KLHL1: variants seen among roughly 807,000 people sequenced by gnomAD.
KLHL1 encodes the protein kelch-like protein 1.
In KLHL1, 47 loss-of-function variants were observed where a neutral mutation model predicts 77.7. The ratio of observed to expected loss-of-function variants is 0.60; its 90% confidence interval spans 0.48 to 0.77. The LOEUF (loss-of-function observed/expected upper bound fraction) is 0.77, where lower values mean the gene tolerates loss of function less well. Among genes scored for constraint, KLHL1 ranks in the 30% least tolerant of loss-of-function variants. The probability of loss-of-function intolerance (pLI) is 0.00; values close to 1 mark genes in which losing one functional copy is unlikely to be tolerated. For missense variants in KLHL1, 925 were observed against 910.8 expected, an observed-to-expected ratio of 1.02 and a Z score of -0.20; for synonymous variants, 360 against 325.2, an observed-to-expected ratio of 1.11 and a Z score of -1.15.
intron 8 of KLHL1, among the ~76,000 whole-genome samples, chr13:69,734,664 A>G (rs1372527343): frequency 6.6e-6 from 1 of 152,168 alleles, no homozygotes; most frequent in Non-Finnish European, 1.5e-5. Context: ...ACAGAGAAAA[A>G]TAACAAATTA....
intron 7 of KLHL1, among the ~76,000 whole-genome samples, chr13:69,742,760 A>C (rs1874037964): frequency 6.6e-6 from 1 of 152,218 alleles, no homozygotes. Flanking sequence ...AACTCTATTC[A>C]TATGGAGGGA....
rs755960830 is a variant in KLHL1, at chr13:69,829,602, T to G, written c.1414+9374A>C. Among the ~76,000 whole-genome samples, 4 of 149,856 alleles carry G rather than the reference T, an allele frequency of 2.7e-5. 1 individual carries two copies. Among genetic ancestry groups the G allele is most frequent in the Non-Finnish European group, 5.9e-5 (4 of 67,732 alleles). ...CCAAACCAAGAAGAAATCTCTGAATTTCCAGAAAAAGAATTCAGAAGGTTG... is the reference window on the plus strand; with the variant it reads ...CCAAACCAAGAAGAAATCTCTGAATGTCCAGAAAAAGAATTCAGAAGGTTG... On this transcript the variant is annotated intron_variant, in intron 6 of 10. Transcript: ENST00000377844.
At chr13:69,952,342 T>C (rs1883735334) in intron 3 of KLHL1, among the ~76,000 whole-genome samples, 1 of 151,428 alleles carries the variant, frequency 6.6e-6, no homozygotes, top group Non-Finnish European at 1.5e-5. Flanking sequence ...TTTAGACAAA[T>C]GCAAAATAGT....
chr13:70,088,984 C>G (rs982734418), intron 1 of KLHL1, among the ~76,000 whole-genome samples: 2 of 152,104 alleles, frequency 1.3e-5, no homozygotes, highest in Non-Finnish European at 2.9e-5. Flanking sequence ...TGTTTCTTAT[C>G]AGTACCTTCT....
chr13:69,978,385 A>G (rs1472374103), intron 1 of KLHL1, among the ~76,000 whole-genome samples: 1 of 151,888 alleles, frequency 6.6e-6, no homozygotes, highest in Non-Finnish European at 1.5e-5. Context: ...AAACACCTCT[A>G]AAGAATGGCT....
At chr13:70,091,887 T>G (rs1242329196) in intron 1 of KLHL1, among the ~76,000 whole-genome samples, 4 of 152,176 alleles carry the variant, frequency 2.6e-5, no homozygotes, top group African/African-American at 9.6e-5. Context: ...CACATGGATG[T>G]GTAGATAAAT....
intron 1 of KLHL1, among the ~76,000 whole-genome samples, chr13:69,998,660 A>C (rs1885215405): frequency 6.6e-6 from 1 of 152,050 alleles, no homozygotes; most frequent in South Asian, 2.1e-4. Flanking sequence ...TGCTATTAAT[A>C]GTAATGGATG....
chr13:69,816,264 CTTT>C (rs1219634338), intron 6 of KLHL1, among the ~76,000 whole-genome samples: 3 of 137,710 alleles, frequency 2.2e-5, no homozygotes, highest in African/African-American at 2.6e-5. Context: ...AATTTTTTTT[CTTT>C]TTTTTTTTTT....
intron 8 of KLHL1, among the ~76,000 whole-genome samples, chr13:69,735,992 G>A (rs1401952111): frequency 1.3e-5 from 2 of 152,068 alleles, no homozygotes; most frequent in Non-Finnish European, 2.9e-5. Flanking sequence ...ACAGTGTTAA[G>A]TCACTTTTTA....
chr13:70,024,644 C>T lies in KLHL1; in HGVS notation c.498-48842G>A, dbSNP rs1031482968. Among the ~76,000 whole-genome samples the T allele has an allele frequency of 7.2e-3, 1,064 of 148,558 alleles. 1 individual carries two copies. The highest frequency in any genetic ancestry group is 0.011 in the South Asian group (49 of 4,520). On this transcript the variant is annotated intron_variant, in intron 1 of 10. Transcript: ENST00000377844. ...TTTCTCTCTCTCTCTCTCTCTCTCT[C>T]TCTCTCTCTCTCTCTCGCTCTGGCT... is the stretch of plus-strand genomic sequence containing the variant.
chr13:69,892,720 A>G (rs192318233), intron 4 of KLHL1, among the ~76,000 whole-genome samples: 14 of 152,332 alleles, frequency 9.2e-5, no homozygotes, highest in Middle Eastern at 3.4e-3. Context: ...AAAGCCTGTT[A>G]TATGCATAAT....
chr13:69,704,535 T>G (rs1875540399), intron 10 of KLHL1, among the ~76,000 whole-genome samples: 1 of 151,754 alleles, frequency 6.6e-6, no homozygotes, highest in Non-Finnish European at 1.5e-5. Flanking sequence ...GGTTAGCTAT[T>G]ACTCATTTGT....
chr13:69,834,197 C>G (rs966553321), intron 6 of KLHL1, among the ~76,000 whole-genome samples: 2 of 151,606 alleles, frequency 1.3e-5, no homozygotes, highest in African/African-American at 4.8e-5. Flanking sequence ...AAGAACTTAT[C>G]TATGTAAACC....
At chr13:70,049,561 T>A (rs1886581590) in intron 1 of KLHL1, among the ~76,000 whole-genome samples, 1 of 152,188 alleles carries the variant, frequency 6.6e-6, no homozygotes, top group African/African-American at 2.4e-5. Context: ...TAAACAAGCA[T>A]TTATAATTTA....
intron 4 of KLHL1, among the ~76,000 whole-genome samples, chr13:69,929,166 A>T (rs531839947): frequency 1.2e-4 from 19 of 152,052 alleles, no homozygotes; most frequent in Non-Finnish European, 2.2e-4. Context: ...CATTTTGGCG[A>T]TCTTAAACAA....
chr13:69,895,429 A>C (rs2138216560), intron 4 of KLHL1, among the ~76,000 whole-genome samples: 1 of 152,288 alleles, frequency 6.6e-6, no homozygotes, highest in Non-Finnish European at 1.5e-5. Context: ...TCCCATTGGC[A>C]CATTTAACAG....
intron 6 of KLHL1, among the ~76,000 whole-genome samples, chr13:69,804,622 G>T (rs188668663): frequency 2.9e-4 from 44 of 152,214 alleles, no homozygotes; most frequent in African/African-American, 1.0e-3. Context: ...AAAGTAGAAT[G>T]ATTTAGGATA....
intron 1 of KLHL1, among the ~76,000 whole-genome samples, chr13:70,098,487 TTA>T (rs1237399067): frequency 5.9e-5 from 9 of 151,836 alleles, no homozygotes; most frequent in African/African-American, 2.2e-4. Context: ...TTACTACAAT[TTA>T]TGAGACACTC....
intron 5 of KLHL1, among the ~76,000 whole-genome samples, chr13:69,878,077 G>A (rs188043664): frequency 2.6e-5 from 4 of 152,052 alleles, no homozygotes; most frequent in Admixed American, 2.0e-4. Context: ...GGCACTAATC[G>A]TTCTTTTAAC....
Sources: gnomAD v4.1 joint callset for allele counts (sites outside exome capture counted in the v4.1 genomes callset) on GRCh38, gnomAD v4.1.1 for gene constraint, MANE v1.5 for transcripts, NCBI Gene and HGNC (gene_info 2026-07-23, HGNC 2026-07-21) for gene names.